Variants in EPB41L4A observed in about 807,000 individuals in gnomAD.
The protein encoded by EPB41L4A is band 4.1-like protein 4A.
Under a neutral mutation model 108.6 loss-of-function variants are expected in EPB41L4A, and 100 were observed. That is an observed-to-expected ratio of 0.92 (90% confidence interval 0.78 to 1.09). The LOEUF is 1.09. Among genes scored for constraint, EPB41L4A ranks in the 50% least tolerant of loss-of-function variants. The pLI is 0.00. For synonymous variants in EPB41L4A, 319 were observed against 289.0 expected, an observed-to-expected ratio of 1.10 and a Z score of -1.05; for missense variants, 1,030 against 842.7, an observed-to-expected ratio of 1.22 and a Z score of -2.75.
chr5:112,164,234 T>G lies in EPB41L4A; in HGVS notation c.*756A>C, dbSNP rs1760091152. The G allele has an allele frequency of 6.6e-6, 1 of 152,238 alleles. No homozygotes were observed. The highest frequency in any genetic ancestry group is 2.1e-4 in the South Asian group (1 of 4,830). The allele number at this position is 152,238 out of a possible 1,614,324, so 9.4% of individuals were successfully genotyped here. ...GAACTTAACACCACAAAATAAAGTA[T>G]TATAAAGAACTTTATATGAATAAAA... On this transcript the variant is annotated 3_prime_UTR_variant, in exon 23 of 23. Transcript: ENST00000261486.
At position 112,346,216 on chromosome 5, in the gene EPB41L4A, ATTTTTTTTTTTT is replaced by A. The variant is rs561328868; in HGVS notation, c.100-38738_100-38727del. 1.8e-3 allele frequency among the ~76,000 whole-genome samples: 123 copies of A among 67,356 alleles called. 2 individuals are homozygous for A. The highest frequency in any genetic ancestry group is 4.7e-3 in the African/African-American group (113 of 23,992). The allele number at this position is 67,356 out of a possible 152,430, so 44.2% of individuals were successfully genotyped here. Reference sequence around the variant, plus strand: ...AATTCTTTAAAGTTAGGTACATTGCATTTTTTTTTTTTTTTTTTTTTTTTTTTGAGAAGGAGT... The same window carrying A: ...AATTCTTTAAAGTTAGGTACATTGCATTTTTTTTTTTTTTTGAGAAGGAGT... On this transcript the variant is annotated intron_variant, in intron 1 of 22. Transcript: ENST00000261486.
chr5:112,183,942 TAGA>T, intron 18 of EPB41L4A, 71 bp downstream of exon 18: 1 of 1,571,978 alleles, frequency 6.4e-7, no homozygotes, highest in South Asian at 1.2e-5. Flanking sequence ...TAAAACACTT[TAGA>T]AGACCTGAAT....
intron 1 of EPB41L4A, among the ~76,000 whole-genome samples, chr5:112,418,082 G>C (rs888798359): frequency 3.3e-5 from 5 of 152,140 alleles, no homozygotes; most frequent in African/African-American, 1.2e-4. Context: ...AGACTCAGCT[G>C]TTGCCTTATC....
chr5:112,299,235 T>C (rs1192702299), intron 2 of EPB41L4A, among the ~76,000 whole-genome samples: 5 of 152,198 alleles, frequency 3.3e-5, no homozygotes, highest in Admixed American at 3.3e-4. Flanking sequence ...GGTGTGACCA[T>C]AGATTGTCTA....
At chr5:112,176,623 TCAC>T (rs749783160) in intron 18 of EPB41L4A, among the ~76,000 whole-genome samples, 9 of 152,092 alleles carry the variant, frequency 5.9e-5, no homozygotes, top group Non-Finnish European at 1.2e-4. Flanking sequence ...TCTCTTCATT[TCAC>T]CACCACCATC....
intron 9 of EPB41L4A, among the ~76,000 whole-genome samples, chr5:112,248,623 G>A (rs1347362585): frequency 6.6e-6 from 1 of 152,120 alleles, no homozygotes; most frequent in Admixed American, 6.6e-5. Flanking sequence ...TAAGAATTCA[G>A]GACCTGTATT....
chr5:112,381,943 GC>G (rs1202148979), intron 1 of EPB41L4A, among the ~76,000 whole-genome samples: 1 of 152,216 alleles, frequency 6.6e-6, no homozygotes, highest in African/African-American at 2.4e-5. Flanking sequence ...ATCTACTGCA[GC>G]CACTCTAATT....
intron 1 of EPB41L4A, among the ~76,000 whole-genome samples, chr5:112,400,053 G>A (rs114462049): frequency 0.018 from 2,762 of 152,256 alleles, 85 homozygotes; most frequent in African/African-American, 0.061. Context: ...ACTTGAGACT[G>A]GGTAACTTAT....
chr5:112,224,339 G>A (rs1423841251), intron 12 of EPB41L4A, among the ~76,000 whole-genome samples: 1 of 151,954 alleles, frequency 6.6e-6, no homozygotes, highest in East Asian at 1.9e-4. Context: ...TTATAATCTG[G>A]GAAGATCTTT....
Position 112,301,442 on chromosome 5 carries a change from G to A in EPB41L4A, c.204+5944C>T, listed in dbSNP as rs556892563. Among the ~76,000 whole-genome samples, 3 of 152,212 alleles carry A rather than the reference G, an allele frequency of 2.0e-5. No homozygotes were observed. In the South Asian group the frequency reaches 6.2e-4, roughly 32 times the overall value. On this transcript the variant is annotated intron_variant, in intron 2 of 22. Transcript: ENST00000261486. Reference sequence around the variant, plus strand: ...CCTTCTGGATCTAGCCACCCAGCAGGGCTACCAGACTCCAGGCTGGTACTA... The same window carrying A: ...CCTTCTGGATCTAGCCACCCAGCAGAGCTACCAGACTCCAGGCTGGTACTA...
At chr5:112,256,475 AC>A (rs987635461) in intron 9 of EPB41L4A, among the ~76,000 whole-genome samples, 1 of 152,188 alleles carries the variant, frequency 6.6e-6, no homozygotes, top group African/African-American at 2.4e-5. Context: ...CAGCTGGAAT[AC>A]AAGAATTCGG....
chr5:112,320,527 T>C (rs1374834138), intron 1 of EPB41L4A, among the ~76,000 whole-genome samples: 1 of 152,156 alleles, frequency 6.6e-6, no homozygotes, highest in Admixed American at 6.5e-5. Flanking sequence ...GGGCAGGGGA[T>C]TGGCTTATGT....
At chr5:112,233,509 TAAC>T (rs1749106742) in intron 12 of EPB41L4A, among the ~76,000 whole-genome samples, 1 of 152,216 alleles carries the variant, frequency 6.6e-6, no homozygotes, top group South Asian at 2.1e-4. Context: ...AGACCAATAA[TAAC>T]AAAGAACCAA....
intron 13 of EPB41L4A, chr5:112,144,016 G>A (rs1172335099): frequency 3.2e-6 from 1 of 316,052 alleles, no homozygotes; most frequent in Non-Finnish European, 6.6e-6. Flanking sequence ...CTTTGGACTT[G>A]AAGCCTATAG....
chr5:112,179,287 T>C (rs1049050479), intron 18 of EPB41L4A, among the ~76,000 whole-genome samples: 2 of 152,108 alleles, frequency 1.3e-5, no homozygotes, highest in Non-Finnish European at 2.9e-5. Flanking sequence ...AAAATGCTTT[T>C]ATATTAACTC....
At chr5:112,173,384 G>A (rs556278743) in intron 18 of EPB41L4A, among the ~76,000 whole-genome samples, 2 of 152,164 alleles carry the variant, frequency 1.3e-5, no homozygotes, top group South Asian at 4.1e-4. Context: ...GAGAGATAGT[G>A]ACTATGAACA....
At chr5:112,165,867 A>T (rs1361315052) in intron 22 of EPB41L4A, among the ~76,000 whole-genome samples, 2 of 152,158 alleles carry the variant, frequency 1.3e-5, no homozygotes, top group African/African-American at 4.8e-5. Flanking sequence ...GCTACCTTTA[A>T]TCTGTTCCTA....
At chr5:112,339,476 A>AGATATATAGCTATATATC (rs1561584857) in intron 1 of EPB41L4A, among the ~76,000 whole-genome samples, 1 of 11,508 alleles carries the variant, frequency 8.7e-5, no homozygotes, top group African/African-American at 2.1e-4. Flanking sequence ...ATATATATCT[A>AGATATATAGCTATATATC]TATATATATA....
At chr5:112,302,833 A>G (rs1754451551) in intron 2 of EPB41L4A, among the ~76,000 whole-genome samples, 1 of 152,234 alleles carries the variant, frequency 6.6e-6, no homozygotes, top group African/African-American at 2.4e-5. Flanking sequence ...CAGGAAACTT[A>G]GACCTTCGGT....
Sources: gnomAD v4.1 joint callset for allele counts (sites outside exome capture counted in the v4.1 genomes callset) on GRCh38, gnomAD v4.1.1 for gene constraint, MANE v1.5 for transcripts, NCBI Gene and HGNC (gene_info 2026-07-23, HGNC 2026-07-21) for gene names.